RFX2: variants seen among roughly 807,000 people sequenced by gnomAD.
RFX2 encodes the protein regulatory factor X2, also known as DNA-binding protein RFX2.
Under a neutral mutation model 87.8 loss-of-function variants are expected in RFX2, and 20 were observed. The ratio of observed to expected loss-of-function variants is 0.23; its 90% CI spans 0.16 to 0.33. The LOEUF is 0.33. Ranked by LOEUF, RFX2 falls within the 10% of genes least tolerant of loss-of-function variation. RFX2 has a pLI of 1.00. For synonymous variants in RFX2, 397 were observed against 431.3 expected (o/e 0.92, Z 0.98); for missense variants, 767 against 1,012.3 (o/e 0.76, Z 3.29).
At position 6,002,928 on chromosome 19, in the gene RFX2, C is replaced by T; in HGVS notation, c.1501-58G>A. On this transcript the variant is annotated intron_variant, in intron 13 of 17. Coordinates refer to ENST00000303657, the MANE Select transcript of RFX2 (RefSeq NM_000635.4). The surrounding 1 kb of genome is among the most constrained non-coding windows in gnomAD (Gnocchi z 6.7). ...CGCAGGGAGAGCCTGTTCCGCTGCG[C>T]TCCTTGCAGGGGTGTGTGGGCTCAG... 3 of 1,545,320 alleles carry T rather than the reference C, an allele frequency of 1.9e-6. No individual in the cohort carries two copies. Among genetic ancestry groups the T allele is most frequent in the South Asian group, 1.2e-5 (1 of 85,388 alleles).
In RFX2 at chr19:6,013,494, C is replaced by CTTTT. The variant is rs59750158; in HGVS notation, c.780-393_780-390dup. 1.7e-4 allele frequency among the ~76,000 whole-genome samples: 24 copies of CTTTT among 141,370 alleles called. No homozygotes were observed. The highest frequency in any genetic ancestry group is 3.8e-3 in the Middle Eastern group (1 of 260). The allele number at this position is 141,370 out of a possible 152,430, so 92.7% of individuals were successfully genotyped here. A position where few individuals can be genotyped will look rare whatever the true frequency, so the allele number is the denominator to read the frequency against. ...AGCCACTGCGCCTGGCCTCTTCTCT[C>CTTTT]TTTTTTTTTTTTTTCAGAAACAGGG... is the stretch of plus-strand genomic sequence containing the variant. On this transcript the variant is annotated intron_variant, in intron 7 of 17. Transcript: ENST00000303657. The surrounding 1 kb of genome is among the most constrained non-coding windows in gnomAD (Gnocchi z 4.1).
rs73923414 is a variant in RFX2, at chr19:5,996,678, G to A, written c.2013+382C>T. Among the ~76,000 whole-genome samples, 158 of 152,382 alleles carry A rather than the reference G, an allele frequency of 1.0e-3. 1 individual carries two copies. Among genetic ancestry groups the A allele is most frequent in the African/African-American group, 3.7e-3 (155 of 41,590 alleles). ...GCGCCACTTGATTGTGCGCTTTCAC[G>A]TGGAAATCTCTCCCTATGTGTGTGT... On this transcript the variant is annotated intron_variant, in intron 16 of 17. Transcript: ENST00000303657.
chr19:6,082,570 C>T (rs548616081), intron 1 of RFX2, among the ~76,000 whole-genome samples: 35 of 152,198 alleles, frequency 2.3e-4, no homozygotes, highest in African/African-American at 7.9e-4. Flanking sequence ...GTAGCTAGGA[C>T]CACAGGCGTG....
In RFX2 at chr19:6,013,402, T is replaced by G. The variant is rs1382543960; in HGVS notation, c.780-297A>C. 6.6e-6 allele frequency among the ~76,000 whole-genome samples: 1 copy of G among 151,986 alleles called. No homozygotes were observed. Among genetic ancestry groups the G allele is most frequent in the African/African-American group, 2.4e-5 (1 of 41,408 alleles). On this transcript the variant is annotated intron_variant, in intron 7 of 17. Transcript: ENST00000303657. This position sits in a 1 kb window ranked among gnomAD's most constrained non-coding sequence, Gnocchi z 4.1. ...GGTTTTGCCATGTTGGCCAGGCTGG[T>G]CTCAAACTCCTGGGCTCAAGTGATC...
At position 6,007,878 on chromosome 19, in the gene RFX2, G is replaced by T; in HGVS notation, c.1135-76C>A. On this transcript the variant is annotated intron_variant, in intron 10 of 17. Transcript: ENST00000303657. This position sits in a 1 kb window ranked among gnomAD's most constrained non-coding sequence, Gnocchi z 8.2. ...GCACTCAGCACACGTCAAGTGAGCA[G>T]CCGTGATCCGGGCTACAGCGGGGTG... 9.3e-7 allele frequency: 1 copy of T among 1,078,910 alleles called. No individual in the cohort carries two copies. Among genetic ancestry groups the T allele is most frequent in the Non-Finnish European group, 1.4e-6 (1 of 718,720 alleles). 66.8% of individuals were successfully genotyped at this position (1,078,910 alleles called of 1,614,324 possible).
chr19:5,997,854 C>T lies in RFX2; in HGVS notation c.1860-641G>A, dbSNP rs889687388. Among the ~76,000 whole-genome samples the T allele has an allele frequency of 5.3e-5, 8 of 152,318 alleles. No individual in the cohort carries two copies. Among genetic ancestry groups the T allele is most frequent in the African/African-American group, 1.7e-4 (7 of 41,568 alleles). ...AAAAAGTCAAAAGAATAATTATATT[C>T]GGTGGCACGTGGAAATTACATGAAA... On this transcript the variant is annotated intron_variant, in intron 15 of 17. Transcript: ENST00000303657. The surrounding 1 kb of genome is among the most constrained non-coding windows in gnomAD (Gnocchi z 4.2).
At position 6,024,676 on chromosome 19, in the gene RFX2, T is replaced by C. The variant is rs945305722; in HGVS notation, c.597+1487A>G. Among the ~76,000 whole-genome samples, 1 of 151,964 alleles carries C rather than the reference T, an allele frequency of 6.6e-6. No individual in the cohort carries two copies. The highest frequency in any genetic ancestry group is 1.5e-5 in the Non-Finnish European group (1 of 68,026). On this transcript the variant is annotated intron_variant, in intron 6 of 17. Coordinates refer to ENST00000303657, the MANE Select transcript of RFX2 (RefSeq NM_000635.4). This position sits in a 1 kb window ranked among gnomAD's most constrained non-coding sequence, Gnocchi z 5.0. Reference sequence around the variant, plus strand: ...CTCACTGCCTTTTGATAACGCCTCATTTTACACATCGGCCAGCACAGAAGT... The same window carrying C: ...CTCACTGCCTTTTGATAACGCCTCACTTTACACATCGGCCAGCACAGAAGT...
In RFX2 at chr19:6,004,047, C is replaced by T. The variant is rs1444527889; in HGVS notation, c.1500+154G>A. On this transcript the variant is annotated intron_variant, in intron 13 of 17. Coordinates refer to ENST00000303657, the MANE Select transcript of RFX2 (RefSeq NM_000635.4). This position sits in a 1 kb window ranked among gnomAD's most constrained non-coding sequence, Gnocchi z 4.8. ...CTTCCTGCCAGCACTGACGCGTCAC[C>T]GGCAGTGTGCTCAGGGCTTCCTGAA... Among the ~76,000 whole-genome samples the T allele has an allele frequency of 2.6e-5, 4 of 152,120 alleles. No individual in the cohort carries two copies. Among genetic ancestry groups the T allele is most frequent in the Admixed American group, 6.6e-5 (1 of 15,262 alleles).
At chr19:5,996,767 C>G (rs776810641) in intron 16 of RFX2, among the ~76,000 whole-genome samples, 8 of 152,246 alleles carry the variant, frequency 5.3e-5, no homozygotes, top group Non-Finnish European at 1.2e-4. Flanking sequence ...GCGGGACGCC[C>G]AAGGACAACC....
rs940315258 is a variant in RFX2 at position 6,022,912 on chromosome 19, C to T, written c.597+3251G>A. Reference sequence around the variant, plus strand: ...CCAGGCTCCCAGCACCTGAATACACCTTCCCTCCTGAGACAGCGCAGAGGA... The same window carrying T: ...CCAGGCTCCCAGCACCTGAATACACTTTCCCTCCTGAGACAGCGCAGAGGA... On this transcript the variant is annotated intron_variant, in intron 6 of 17. Coordinates refer to ENST00000303657, the MANE Select transcript of RFX2 (RefSeq NM_000635.4). This position sits in a 1 kb window ranked among gnomAD's most constrained non-coding sequence, Gnocchi z 6.2. Among the ~76,000 whole-genome samples the T allele has an allele frequency of 2.0e-5, 3 of 152,232 alleles. No homozygotes were observed. The highest frequency in any genetic ancestry group is 4.4e-5 in the Non-Finnish European group (3 of 68,032).
At chr19:6,025,931 G>A (rs1172815740) in intron 6 of RFX2, among the ~76,000 whole-genome samples, 2 of 151,510 alleles carry the variant, frequency 1.3e-5, no homozygotes, top group African/African-American at 4.9e-5. Context: ...GATTACAGGC[G>A]CCCACCACCA....
chr19:5,995,058 G>A, intron 17 of RFX2, 108 bp from the exon 18 acceptor site: 2 of 850,966 alleles, frequency 2.4e-6, no homozygotes, highest in South Asian at 1.6e-5. Flanking sequence ...AGGGCACCGA[G>A]GATACATGGC....
At chr19:6,092,506 G>A (rs1376376092) in intron 1 of RFX2, among the ~76,000 whole-genome samples, 1 of 152,218 alleles carries the variant, frequency 6.6e-6, no homozygotes, top group Admixed American at 6.5e-5. Flanking sequence ...AATTCAGAGG[G>A]GCGGGGCAGG....
At chr19:6,030,791 CA>C (rs1285185259) in intron 5 of RFX2, among the ~76,000 whole-genome samples, 1 of 152,268 alleles carries the variant, frequency 6.6e-6, no homozygotes, top group African/African-American at 2.4e-5. Context: ...TAACTAATTT[CA>C]AAAAGTAATT....
rs1296241952 is a variant in RFX2, at chr19:6,002,601, A to G, written c.1650+120T>C. The stretch of plus-strand genomic sequence containing the variant: ...TGGCCTGGGACCCGTGTCATGCAAC[A>G]GAACCGTGGCCAGGCTCGGGGCAGG... On this transcript the variant is annotated intron_variant, in intron 14 of 17. Coordinates refer to ENST00000303657, the MANE Select transcript of RFX2 (RefSeq NM_000635.4). This position sits in a 1 kb window ranked among gnomAD's most constrained non-coding sequence, Gnocchi z 6.7. 3.2e-6 allele frequency: 4 copies of G among 1,265,056 alleles called. No homozygotes were observed. The highest frequency in any genetic ancestry group is 4.5e-6 in the Non-Finnish European group (4 of 896,540). 78.4% of individuals were successfully genotyped at this position (1,265,056 alleles called of 1,614,324 possible).
At position 6,040,813 on chromosome 19, in the gene RFX2, C is replaced by T. The variant is rs113314908; in HGVS notation, c.261-572G>A. On this transcript the variant is annotated intron_variant, in intron 4 of 17. Transcript: ENST00000303657. This position sits in a 1 kb window ranked among gnomAD's most constrained non-coding sequence, Gnocchi z 6.1. ...AAATTGTAAGTGGATAAATGGGTCA[C>T]ATGAGGGAGCTCCTGTGTGGAGATG... Among the ~76,000 whole-genome samples, 3,545 of 152,210 alleles carry T rather than the reference C, an allele frequency of 0.023. 142 individuals are homozygous for T. The highest frequency in any genetic ancestry group is 0.081 in the African/African-American group (3,378 of 41,496).
chr19:6,020,362 C>T lies in RFX2; in HGVS notation c.598-4091G>A, dbSNP rs927187183. On this transcript the variant is annotated intron_variant, in intron 6 of 17. Transcript: ENST00000303657. This position sits in a 1 kb window ranked among gnomAD's most constrained non-coding sequence, Gnocchi z 5.3. ...CTAAAAGGATGCATAGTTGTCTTGA[C>T]AGCAAGTCCTTCTTGCTCAACATCA... The T allele has an allele frequency of 3.3e-5, 5 of 152,256 alleles. No homozygotes were observed. Among genetic ancestry groups the T allele is most frequent in the Admixed American group, 6.5e-5 (1 of 15,288 alleles). The allele number at this position is 152,256 out of a possible 1,614,324, so 9.4% of individuals were successfully genotyped here. A position where few individuals can be genotyped will look rare whatever the true frequency, so the allele number is the denominator to read the frequency against.
intron 1 of RFX2, among the ~76,000 whole-genome samples, chr19:6,084,202 A>G (rs2087824231): frequency 6.6e-6 from 1 of 152,220 alleles, no homozygotes; most frequent in Non-Finnish European, 1.5e-5. Context: ...ACCACAGGCA[A>G]GATAAATATT....
intron 1 of RFX2, among the ~76,000 whole-genome samples, chr19:6,085,162 G>T (rs2087839892): frequency 6.6e-6 from 1 of 152,006 alleles, no homozygotes; most frequent in African/African-American, 2.4e-5. Context: ...ATGAACATGA[G>T]TGTACAAATC....
Sources: allele counts gnomAD v4.1 joint callset (sites outside exome capture counted in the v4.1 genomes callset), GRCh38; gene constraint gnomAD v4.1.1; non-coding constraint Gnocchi (gnomAD v3.1); transcripts MANE v1.5; gene names NCBI Gene and HGNC (gene_info 2026-07-23, HGNC 2026-07-21).